Variants in FOXRED1 observed in about 807,000 individuals in gnomAD.
FOXRED1 encodes the protein FAD-dependent oxidoreductase domain-containing protein 1.
Under a neutral mutation model 57.8 loss-of-function variants are expected in FOXRED1, and 52 were observed. The ratio of observed to expected loss-of-function variants is 0.90; its 90% CI spans 0.72 to 1.13. The LOEUF is 1.13. Ranked by LOEUF, FOXRED1 falls within the 50% of genes most tolerant of loss-of-function variation. The pLI is 0.00. For synonymous variants in FOXRED1, 271 were observed against 248.3 expected (o/e 1.09, Z -0.86); for missense variants, 589 against 625.2 (o/e 0.94, Z 0.62).
Position 126,273,624 on chromosome 11 carries a change from T to C in FOXRED1, c.536+170T>C. On this transcript the variant is annotated intron_variant, in intron 4 of 10. Transcript: ENST00000263578. The surrounding 1 kb of genome is among the most constrained non-coding windows in gnomAD (Gnocchi z 5.9). ...GACCTGCAATGCCCTGGGAGTGCTG[T>C]ACCACAGATATGGACAAAACACTGC... 4 of 670,838 alleles carry C rather than the reference T, an allele frequency of 6.0e-6. No individual in the cohort carries two copies. In the South Asian group the frequency reaches 6.2e-5, roughly 10 times the overall value. 41.6% of individuals were successfully genotyped at this position (670,838 alleles called of 1,614,324 possible).
intron 9 of FOXRED1, among the ~76,000 whole-genome samples, chr11:126,276,753 G>A (rs1353068207): frequency 6.6e-6 from 1 of 151,822 alleles, no homozygotes; most frequent in Non-Finnish European, 1.5e-5. Flanking sequence ...CTGGGCGCCT[G>A]TAATCCCAGC....
At chr11:126,276,867 A>G (rs531377126) in intron 9 of FOXRED1, 3 of 547,782 alleles carry the variant, frequency 5.5e-6, no homozygotes, top group Non-Finnish European at 9.7e-6. Flanking sequence ...CAAGAGCAAA[A>G]CTCCATCTCA....
In FOXRED1 at chr11:126,271,410, C is replaced by T. The variant is rs1950981544; in HGVS notation, c.86-27C>T. 2.6e-6 allele frequency: 4 copies of T among 1,539,152 alleles called. No homozygotes were observed. The highest frequency in any genetic ancestry group is 2.2e-5 in the East Asian group (1 of 44,520). ...AACCATGTGGGAAGGAAATGTTTGG[C>T]CCTCTGACCCTAACTACATCCCACA... is the stretch of plus-strand genomic sequence containing the variant. On this transcript the variant is annotated intron_variant, in intron 1 of 10. Transcript: ENST00000263578. The surrounding 1 kb of genome is among the most constrained non-coding windows in gnomAD (Gnocchi z 5.3).
Position 126,275,756 on chromosome 11 carries a change from G to A in FOXRED1, c.734-38G>A. On this transcript the variant is annotated intron_variant, in intron 6 of 10. Transcript: ENST00000263578. The surrounding 1 kb of genome is among the most constrained non-coding windows in gnomAD (Gnocchi z 5.9). The stretch of plus-strand genomic sequence containing the variant: ...GAAATCCCCATTTCATTCCTCTTCA[G>A]CACCTCTACGGCCTATTTTTCATTT... The A allele has an allele frequency of 1.5e-6, 2 of 1,366,060 alleles. No homozygotes were observed. Among genetic ancestry groups the A allele is most frequent in the Non-Finnish European group, 2.1e-6 (2 of 954,668 alleles). 84.6% of individuals were successfully genotyped at this position (1,366,060 alleles called of 1,614,324 possible).
Position 126,277,729 on chromosome 11 carries a change from G to A in FOXRED1, c.*40G>A. 1 of 1,609,720 alleles carries A rather than the reference G, an allele frequency of 6.2e-7. No individual in the cohort carries two copies. The highest frequency in any genetic ancestry group is 1.3e-5 in the African/African-American group (1 of 74,986). ...CACTGGCTCCACTGGCTTGCATCCT[G>A]GCTGTGTTCACAGCCTTGTTTGCTG... On this transcript the variant is annotated 3_prime_UTR_variant, in exon 11 of 11. Transcript: ENST00000263578. The surrounding 1 kb of genome is among the most constrained non-coding windows in gnomAD (Gnocchi z 6.8).
rs780616719 is a variant in FOXRED1, at chr11:126,276,116, G to A, written c.868G>A (p.Ala290Thr). Residue 290 changes from alanine (A) to threonine (T), a missense_variant, in exon 8 of 11, where the codon GCA becomes ACA. Physicochemically the swap from Ala to Thr is moderately conservative, Grantham distance 58. Coordinates refer to ENST00000263578, the MANE Select transcript of FOXRED1 (RefSeq NM_017547.4). ...TGTGGAATGCGCCATTGTGATCAACGCAGCCGGAGCCTGGTCTGCGCAAAT... is the reference window on the plus strand; with the variant it reads ...TGTGGAATGCGCCATTGTGATCAACACAGCCGGAGCCTGGTCTGCGCAAAT... ...QPVECAIVIN[A>T]AGAWSAQIAA... 9 of 1,612,602 alleles carry A rather than the reference G, an allele frequency of 5.6e-6. No individual in the cohort carries two copies. In the Admixed American group the frequency reaches 1.3e-4, roughly 24 times the overall value.
At position 126,272,931 on chromosome 11, in the gene FOXRED1, G is replaced by T. The variant is rs375883538; in HGVS notation, c.307-38G>T. On this transcript the variant is annotated intron_variant, in intron 2 of 10. Coordinates refer to ENST00000263578, the MANE Select transcript of FOXRED1 (RefSeq NM_017547.4). The surrounding 1 kb of genome is among the most constrained non-coding windows in gnomAD (Gnocchi z 4.6). ...GCAGTATTCTAGTCACATGTGATAGGGTACTGGTCTACCTCAACTTTTCTT... is the reference window on the plus strand; with the variant it reads ...GCAGTATTCTAGTCACATGTGATAGTGTACTGGTCTACCTCAACTTTTCTT... 15 of 958,714 alleles carry T rather than the reference G, an allele frequency of 1.6e-5. No individual in the cohort carries two copies. Among genetic ancestry groups the T allele is most frequent in the Middle Eastern group, 2.1e-4 (1 of 4,796 alleles). The allele number at this position is 958,714 out of a possible 1,614,324, so 59.4% of individuals were successfully genotyped here. A position where few individuals can be genotyped will look rare whatever the true frequency, so the allele number is the denominator to read the frequency against.
Position 126,271,524 on chromosome 11 carries a change from ACCTG to A in FOXRED1, c.177_180del (p.Pro61SerfsTer6), listed in dbSNP as rs1950985570. The A allele has an allele frequency of 3.1e-6, 5 of 1,614,076 alleles. No homozygotes were observed. The highest frequency in any genetic ancestry group is 3.4e-6 in the Non-Finnish European group (4 of 1,180,018). On this transcript the variant is annotated frameshift_variant, in exon 2 of 11. Transcript: ENST00000263578. LOFTEE classifies it high-confidence loss of function. This position sits in a 1 kb window ranked among gnomAD's most constrained non-coding sequence, Gnocchi z 5.3. The stretch of plus-strand genomic sequence containing the variant: ...TGTGATCTACTGCAAGACACCAGCC[ACCTG>A]CCTCCCGAGCACTCGGATGTGGTGA...
At chr11:126,276,313 G>GTT in intron 8 of FOXRED1, 81 bp from the exon 9 acceptor site, 1 of 1,311,642 alleles carries the variant, frequency 7.6e-7, no homozygotes. Flanking sequence ...GTGTGTGTGT[G>GTT]TGGGGTGTGG....
chr11:126,273,475 C>T lies in FOXRED1; in HGVS notation c.536+21C>T, dbSNP rs1306754258. On this transcript the variant is annotated intron_variant, in intron 4 of 10. Coordinates refer to ENST00000263578, the MANE Select transcript of FOXRED1 (RefSeq NM_017547.4). The surrounding 1 kb of genome is among the most constrained non-coding windows in gnomAD (Gnocchi z 5.9). ...CAGAGGTGGGTGCCTGGCACAGCCT[C>T]TTAGCTGCTTGGCAGCCAAAGGTGT... The T allele has an allele frequency of 3.9e-6, 6 of 1,520,488 alleles. No individual in the cohort carries two copies. In the Admixed American group the frequency reaches 1.0e-4, roughly 25 times the overall value. 94.2% of individuals were successfully genotyped at this position (1,520,488 alleles called of 1,614,324 possible).
chr11:126,271,703 G>A lies in FOXRED1; in HGVS notation c.306+46G>A. The A allele has an allele frequency of 6.8e-7, 1 of 1,474,864 alleles. No individual in the cohort carries two copies. The allele number at this position is 1,474,864 out of a possible 1,614,324, so 91.4% of individuals were successfully genotyped here. A position where few individuals can be genotyped will look rare whatever the true frequency, so the allele number is the denominator to read the frequency against. ...GAGTCATGAGTGGGGCAAGAAAGAT[G>A]ACTCATTTTATTAAGGACTCTAGCG... On this transcript the variant is annotated intron_variant, in intron 2 of 10. Coordinates refer to ENST00000263578, the MANE Select transcript of FOXRED1 (RefSeq NM_017547.4). The surrounding 1 kb of genome is among the most constrained non-coding windows in gnomAD (Gnocchi z 5.3).
Position 126,272,580 on chromosome 11 carries a change from C to T in FOXRED1, c.307-389C>T. 3.2e-6 allele frequency: 1 copy of T among 311,558 alleles called. No individual in the cohort carries two copies. The highest frequency in any genetic ancestry group is 2.9e-5 in the South Asian group (1 of 34,160). 19.3% of individuals were successfully genotyped at this position (311,558 alleles called of 1,614,324 possible). ...GTGCTGGGATTACAGGCATGAGCCA[C>T]CCACCCGGCTGGTTTTTACACTTTA... is the stretch of plus-strand genomic sequence containing the variant. On this transcript the variant is annotated intron_variant, in intron 2 of 10. Coordinates refer to ENST00000263578, the MANE Select transcript of FOXRED1 (RefSeq NM_017547.4). The surrounding 1 kb of genome is among the most constrained non-coding windows in gnomAD (Gnocchi z 4.6).
At chr11:126,276,313 G>GT in intron 8 of FOXRED1, 81 bp from the exon 9 acceptor site, 1 of 1,311,642 alleles carries the variant, frequency 7.6e-7, no homozygotes, top group Admixed American at 1.9e-5. Context: ...GTGTGTGTGT[G>GT]TGGGGTGTGG....
At position 126,275,478 on chromosome 11, in the gene FOXRED1, G is replaced by A. The variant is rs1481839194; in HGVS notation, c.733+50G>A. Reference sequence around the variant, plus strand: ...GCAACCGGGGCATAGGCCTAGACTAGGTCTTATCTTCTCACTCACAAGCTA... The same window carrying A: ...GCAACCGGGGCATAGGCCTAGACTAAGTCTTATCTTCTCACTCACAAGCTA... On this transcript the variant is annotated intron_variant, in intron 6 of 10. Transcript: ENST00000263578. The surrounding 1 kb of genome is among the most constrained non-coding windows in gnomAD (Gnocchi z 5.9). The A allele has an allele frequency of 3.9e-6, 5 of 1,277,150 alleles. No homozygotes were observed. The highest frequency in any genetic ancestry group is 1.9e-4 in the Middle Eastern group (1 of 5,388). The allele number at this position is 1,277,150 out of a possible 1,614,324, so 79.1% of individuals were successfully genotyped here.
In FOXRED1 at chr11:126,271,662, G is replaced by A; in HGVS notation, c.306+5G>A. 1 of 1,610,576 alleles carries A rather than the reference G, an allele frequency of 6.2e-7. No individual in the cohort carries two copies. Among genetic ancestry groups the A allele is most frequent in the Non-Finnish European group, 8.5e-7 (1 of 1,177,512 alleles). ...GTGGTGGAACGGGACCACACGGTGA[G>A]GTCTGGGGTAGGGCAGAGTCATGAG... On this transcript the variant is annotated splice_donor_5th_base_variant and intron_variant, in intron 2 of 10. Coordinates refer to ENST00000263578, the MANE Select transcript of FOXRED1 (RefSeq NM_017547.4). This position sits in a 1 kb window ranked among gnomAD's most constrained non-coding sequence, Gnocchi z 5.3.
In FOXRED1 at chr11:126,275,077, T is replaced by TG; in HGVS notation, c.631+57dup. On this transcript the variant is annotated intron_variant, in intron 5 of 10. Transcript: ENST00000263578. The surrounding 1 kb of genome is among the most constrained non-coding windows in gnomAD (Gnocchi z 5.9). Reference sequence around the variant, plus strand: ...TTTCCTGAAGATGGAGACTAAGGGGTGCTACACGTTGGGAGTCTCGGTACT... The same window carrying TG: ...TTTCCTGAAGATGGAGACTAAGGGGTGGCTACACGTTGGGAGTCTCGGTACT... 8.4e-7 allele frequency: 1 copy of TG among 1,186,710 alleles called. No individual in the cohort carries two copies. The highest frequency in any genetic ancestry group is 1.3e-6 in the Non-Finnish European group (1 of 791,678). 73.5% of individuals were successfully genotyped at this position (1,186,710 alleles called of 1,614,324 possible). A position where few individuals can be genotyped will look rare whatever the true frequency, so the allele number is the denominator to read the frequency against.
At position 126,277,960 on chromosome 11, in the gene FOXRED1, C is replaced by G. The variant is rs780524311; in HGVS notation, c.*271C>G. The G allele has an allele frequency of 3.1e-5, 20 of 636,736 alleles. No individual in the cohort carries two copies. Among genetic ancestry groups the G allele is most frequent in the Non-Finnish European group, 5.2e-5 (18 of 344,434 alleles). 39.4% of individuals were successfully genotyped at this position (636,736 alleles called of 1,614,324 possible). ...CAATCCATCTGGAGGCCTGAGCACCCTGGCCCAGGACTGGCTTCATCCTGG... is the reference window on the plus strand; with the variant it reads ...CAATCCATCTGGAGGCCTGAGCACCGTGGCCCAGGACTGGCTTCATCCTGG... On this transcript the variant is annotated 3_prime_UTR_variant, in exon 11 of 11. Transcript: ENST00000263578. This position sits in a 1 kb window ranked among gnomAD's most constrained non-coding sequence, Gnocchi z 6.8.
chr11:126,276,584 TCAGGCTTTTGGCCAGGCA>T (rs1179271384), intron 9 of FOXRED1, 61 bp downstream of exon 9: 39 of 1,575,164 alleles, frequency 2.5e-5, no homozygotes, highest in Non-Finnish European at 3.3e-5. Flanking sequence ...CACGAAACAA[TCAGGCTTTTGGCCAGGCA>T]CAGTAGCTCA....
Position 126,272,285 on chromosome 11 carries a change from C to T in FOXRED1, c.306+628C>T, listed in dbSNP as rs146353761. On this transcript the variant is annotated intron_variant, in intron 2 of 10. Coordinates refer to ENST00000263578, the MANE Select transcript of FOXRED1 (RefSeq NM_017547.4). This position sits in a 1 kb window ranked among gnomAD's most constrained non-coding sequence, Gnocchi z 4.6. The stretch of plus-strand genomic sequence containing the variant: ...CCCTCAACTTGCTTCTTTTGGGTCC[C>T]GTTACTTCTGAGGTTTTTTGCATTT... Among the ~76,000 whole-genome samples, 72 of 149,876 alleles carry T rather than the reference C, an allele frequency of 4.8e-4. No individual in the cohort carries two copies. Among genetic ancestry groups the T allele is most frequent in the East Asian group, 3.4e-3 (17 of 4,968 alleles).
Sources: gnomAD v4.1 joint callset for allele counts (sites outside exome capture counted in the v4.1 genomes callset) on GRCh38, gnomAD v4.1.1 for gene constraint, Gnocchi (gnomAD v3.1) non-coding constraint, MANE v1.5 for transcripts, NCBI Gene and HGNC (gene_info 2026-07-23, HGNC 2026-07-21) for gene names.